PDPK1: variants seen among roughly 807,000 people sequenced by gnomAD.
The protein encoded by PDPK1 is 3-phosphoinositide-dependent protein kinase 1.
PDPK1 carries 7 observed loss-of-function variants against 39.8 expected under a neutral mutation model. The observed-to-expected ratio is 0.18, with a 90% CI of 0.10 to 0.33. The LOEUF is 0.33. Among genes scored for constraint, PDPK1 ranks in the 10% least tolerant of loss-of-function variants. The pLI, the probability that PDPK1 is intolerant of heterozygous loss-of-function variation, is 1.00. For missense variants in PDPK1, 182 were observed against 384.7 expected (o/e 0.47, Z 4.41); for synonymous variants, 118 against 159.1 (o/e 0.74, Z 1.95).
chr16:2,596,395 C>G (rs775905063), intron 12 of PDPK1, among the ~76,000 whole-genome samples: 1 of 152,140 alleles, frequency 6.6e-6, no homozygotes, highest in Non-Finnish European at 1.5e-5. Context: ...GGGGTTTCAC[C>G]GTGTTAGCCA....
At chr16:2,551,278 A>G (rs1268940059) in intron 1 of PDPK1, among the ~76,000 whole-genome samples, 1 of 146,926 alleles carries the variant, frequency 6.8e-6, no homozygotes, top group African/African-American at 2.5e-5. Flanking sequence ...GTCCCTCCCT[A>G]ACACCCCCTT....
At chr16:2,596,742 G>A (rs1363506102) in intron 12 of PDPK1, among the ~76,000 whole-genome samples, 1 of 152,162 alleles carries the variant, frequency 6.6e-6, no homozygotes, top group Non-Finnish European at 1.5e-5. Context: ...TGCTCACGGG[G>A]CCACTTCCAA....
intron 1 of PDPK1, among the ~76,000 whole-genome samples, chr16:2,546,309 C>T (rs755474605): frequency 1.3e-5 from 2 of 150,654 alleles, no homozygotes; most frequent in Non-Finnish European, 1.5e-5. Flanking sequence ...ATCTTGAACT[C>T]CTGACCTCGT....
At chr16:2,538,496 C>T (rs1397923176) in intron 1 of PDPK1, 1 of 541,414 alleles carries the variant, frequency 1.8e-6, no homozygotes. Context: ...TCGGTTCTGT[C>T]TGTAGAGGAA....
chr16:2,598,614 C>T lies in PDPK1; in HGVS notation c.*847C>T, dbSNP rs985107113. ...CTCACTGCACGAGAGAGTCCTGCCC[C>T]GAGCCCTAGGTGGGGCCAGGAGGTG... is the stretch of plus-strand genomic sequence containing the variant. On this transcript the variant is annotated 3_prime_UTR_variant, in exon 14 of 14. Coordinates refer to ENST00000342085, the MANE Select transcript of PDPK1 (RefSeq NM_002613.5). 4 of 233,258 alleles carry T rather than the reference C, an allele frequency of 1.7e-5. No individual in the cohort carries two copies. The highest frequency in any genetic ancestry group is 6.6e-5 in the African/African-American group (3 of 45,334). 14.4% of individuals were successfully genotyped at this position (233,258 alleles called of 1,614,324 possible). A position where few individuals can be genotyped will look rare whatever the true frequency, so the allele number is the denominator to read the frequency against.
At position 2,538,045 on chromosome 16, in the gene PDPK1, G is replaced by GGAGGAC; in HGVS notation, c.-66_-61dup. The GGAGGAC allele has an allele frequency of 1.3e-6, 1 of 758,764 alleles. No homozygotes were observed. Among genetic ancestry groups the GGAGGAC allele is most frequent in the Non-Finnish European group, 1.6e-6 (1 of 611,346 alleles). 47.0% of individuals were successfully genotyped at this position (758,764 alleles called of 1,614,324 possible). On this transcript the variant is annotated 5_prime_UTR_variant, in exon 1 of 14. Coordinates refer to ENST00000342085, the MANE Select transcript of PDPK1 (RefSeq NM_002613.5). The stretch of plus-strand genomic sequence containing the variant: ...CATTGCTGGGGCTCCGCTTCGGGGA[G>GGAGGAC]GAGGACGCTGAGGAGGCGCCGAGCC...
intron 11 of PDPK1, among the ~76,000 whole-genome samples, chr16:2,589,203 A>G (rs1597066240): frequency 6.6e-6 from 1 of 152,082 alleles, no homozygotes; most frequent in Admixed American, 6.5e-5. Flanking sequence ...TGATCTGCCC[A>G]CCTCGGCTTC....
At chr16:2,573,426 T>G (rs559060791) in intron 6 of PDPK1, among the ~76,000 whole-genome samples, 41 of 21,196 alleles carry the variant, frequency 1.9e-3, no homozygotes, top group Middle Eastern at 8.9e-3. Context: ...TGTCTTTCTG[T>G]TTATTTAGAT....
chr16:2,559,400 CAG>C (rs1286585324), intron 2 of PDPK1, among the ~76,000 whole-genome samples: 1 of 142,210 alleles, frequency 7.0e-6, no homozygotes, highest in Non-Finnish European at 1.5e-5. Context: ...TTTGTAGAGA[CAG>C]GGTCTCACTT....
At position 2,598,169 on chromosome 16, in the gene PDPK1, C is replaced by T; in HGVS notation, c.*402C>T. 4.0e-6 allele frequency: 1 copy of T among 248,820 alleles called. No individual in the cohort carries two copies. The allele number at this position is 248,820 out of a possible 1,614,324, so 15.4% of individuals were successfully genotyped here. On this transcript the variant is annotated 3_prime_UTR_variant, in exon 14 of 14. Transcript: ENST00000342085. ...CAACTGTGTGCTGGTCCTGCTGTGGCCGAGGGGACCGGGTGTGTTTGGCTC... is the reference window on the plus strand; with the variant it reads ...CAACTGTGTGCTGGTCCTGCTGTGGTCGAGGGGACCGGGTGTGTTTGGCTC...
At chr16:2,552,004 G>A (rs370360115) in intron 1 of PDPK1, among the ~76,000 whole-genome samples, 1 of 150,842 alleles carries the variant, frequency 6.6e-6, no homozygotes, top group African/African-American at 2.4e-5. Context: ...AAAAAAAGAT[G>A]GGGTTCTTAA....
At chr16:2,573,718 C>T (rs1378311772) in intron 6 of PDPK1, among the ~76,000 whole-genome samples, 6 of 111,884 alleles carry the variant, frequency 5.4e-5, no homozygotes, top group South Asian at 2.8e-4. Flanking sequence ...GGCAACAGAG[C>T]GAGACTTTGT....
chr16:2,588,023 A>G (rs948642095), intron 11 of PDPK1, among the ~76,000 whole-genome samples: 2 of 152,162 alleles, frequency 1.3e-5, no homozygotes, highest in Non-Finnish European at 2.9e-5. Context: ...GTGGAAGCAC[A>G]AGACGAGGGG....
In PDPK1 at chr16:2,577,728, G is replaced by GT. The variant is rs1376412441; in HGVS notation, c.785+236dup. ...TCTGGTTGCAGATTGAATCGTTTGG[G>GT]TTTTTTTTGTTTTTGTTTTTTTGTT... On this transcript the variant is annotated intron_variant, in intron 7 of 13. Transcript: ENST00000342085. Among the ~76,000 whole-genome samples the GT allele has an allele frequency of 6.0e-5, 9 of 149,238 alleles. 1 individual carries two copies. In the East Asian group the frequency reaches 1.6e-3, roughly 27 times the overall value.
intron 11 of PDPK1, among the ~76,000 whole-genome samples, chr16:2,590,170 G>C (rs1423244796): frequency 6.6e-6 from 1 of 152,128 alleles, no homozygotes; most frequent in African/African-American, 2.4e-5. Context: ...GCCCAGGCTG[G>C]AGTGCAGTGG....
intron 6 of PDPK1, chr16:2,576,310 T>C: frequency 6.8e-6 from 1 of 147,580 alleles, no homozygotes; most frequent in African/African-American, 2.7e-5. Context: ...TTTCTTTGAT[T>C]CTTTGCAGGG....
In PDPK1 at chr16:2,603,106, A is replaced by G. The variant is rs527809139; in HGVS notation, c.*5339A>G. On this transcript the variant is annotated 3_prime_UTR_variant, in exon 14 of 14. Transcript: ENST00000342085. ...GTTTATCCTTTTTTTTTTTCCAAAT[A>G]CTTGTGCTTTAGGTGTAGTTACCAG... 4.5e-6 allele frequency: 1 copy of G among 224,694 alleles called. No individual in the cohort carries two copies. Among genetic ancestry groups the G allele is most frequent in the Non-Finnish European group, 8.8e-6 (1 of 113,234 alleles). 13.9% of individuals were successfully genotyped at this position (224,694 alleles called of 1,614,324 possible). A position where few individuals can be genotyped will look rare whatever the true frequency, so the allele number is the denominator to read the frequency against.
intron 6 of PDPK1, among the ~76,000 whole-genome samples, chr16:2,573,383 C>T (rs1042743046): frequency 2.6e-4 from 2 of 7,746 alleles, no homozygotes; most frequent in Non-Finnish European, 5.2e-4. Context: ...CATTGTTAAC[C>T]CACGTTAAGT....
chr16:2,592,715 A>G, intron 11 of PDPK1: 1 of 441,150 alleles, frequency 2.3e-6, no homozygotes, highest in Non-Finnish European at 4.5e-6. Context: ...AAGTGCTCAC[A>G]GCAAGGAGCT....
Sources: gnomAD v4.1 joint callset for allele counts (sites outside exome capture counted in the v4.1 genomes callset) on GRCh38, gnomAD v4.1.1 for gene constraint, MANE v1.5 for transcripts, NCBI Gene and HGNC (gene_info 2026-07-23, HGNC 2026-07-21) for gene names.